The following CADM2 variants were observed in gnomAD, a reference collection of about 807,000 sequenced individuals.
The protein encoded by CADM2 is cell adhesion molecule 2.
A neutral mutation model predicts 49.8 loss-of-function variants in CADM2; 12 were observed. The ratio of observed to expected loss-of-function variants is 0.24; its 90% CI spans 0.15 to 0.39. The LOEUF is 0.39. CADM2 is among the 10% of genes least tolerant of loss of function. The probability of loss-of-function intolerance (pLI) is 1.00; values close to 1 mark genes in which losing one functional copy is unlikely to be tolerated. For synonymous variants in CADM2, 214 were observed against 175.4 expected, an observed-to-expected ratio of 1.22 and a Z score of -1.74; for missense variants, 378 against 492.3, an observed-to-expected ratio of 0.77 and a Z score of 2.20.
At chr3:85,741,400 T>C (rs1054557113) in intron 2 of CADM2, among the ~76,000 whole-genome samples, 4 of 152,004 alleles carry the variant, frequency 2.6e-5, no homozygotes, top group Non-Finnish European at 5.9e-5. Flanking sequence ...CCTGGCGTGG[T>C]GGCTCACGTC....
intron 3 of CADM2, among the ~76,000 whole-genome samples, chr3:85,826,350 G>A (rs1336994002): frequency 1.3e-5 from 2 of 151,926 alleles, no homozygotes; most frequent in African/African-American, 4.8e-5. Flanking sequence ...TCATTACTTT[G>A]CACTCAACTT....
At chr3:85,169,407 C>G (rs1046834612) in intron 1 of CADM2, among the ~76,000 whole-genome samples, 1 of 152,118 alleles carries the variant, frequency 6.6e-6, no homozygotes, top group African/African-American at 2.4e-5. Context: ...TCAGTTTAAT[C>G]CTTCTAGTAA....
At chr3:84,971,387 G>C (rs1187195986) in intron 1 of CADM2, among the ~76,000 whole-genome samples, 1 of 152,048 alleles carries the variant, frequency 6.6e-6, no homozygotes, top group Non-Finnish European at 1.5e-5. Context: ...TAAAAATCAA[G>C]TAAAATTTAT....
intron 1 of CADM2, among the ~76,000 whole-genome samples, chr3:85,144,793 A>T (rs1443592061): frequency 6.6e-6 from 1 of 152,190 alleles, no homozygotes; most frequent in Non-Finnish European, 1.5e-5. Context: ...TGAAAGATCA[A>T]TTTCAGACAT....
chr3:85,603,233 A>AAC (rs1455911420), intron 1 of CADM2, among the ~76,000 whole-genome samples: 1 of 151,928 alleles, frequency 6.6e-6, no homozygotes. Context: ...ACTTTGACTG[A>AAC]ACCATGTTGA....
intron 1 of CADM2, among the ~76,000 whole-genome samples, chr3:85,544,070 T>G (rs992261652): frequency 6.6e-6 from 1 of 152,096 alleles, no homozygotes; most frequent in Admixed American, 6.6e-5. Context: ...GAGAAAAAAT[T>G]AAATGATTAA....
chr3:85,575,105 T>C (rs554402750), intron 1 of CADM2, among the ~76,000 whole-genome samples: 12 of 152,296 alleles, frequency 7.9e-5, no homozygotes, highest in African/African-American at 2.4e-4. Flanking sequence ...AGATGGTGAC[T>C]AGTAGAGAGA....
chr3:86,000,765 T>C (rs1051884624), intron 8 of CADM2, among the ~76,000 whole-genome samples: 1 of 151,966 alleles, frequency 6.6e-6, no homozygotes, highest in Non-Finnish European at 1.5e-5. Flanking sequence ...AAAAATGATA[T>C]GAAAATATGT....
chr3:85,766,167 C>T (rs751287855), intron 2 of CADM2, among the ~76,000 whole-genome samples: 9 of 152,034 alleles, frequency 5.9e-5, no homozygotes, highest in African/African-American at 2.2e-4. Context: ...TTAATTGTGT[C>T]TATTTTACTT....
At position 86,014,328 on chromosome 3, in the gene CADM2, G is replaced by GA. The variant is rs1201675994; in HGVS notation, c.971-51273dup. On this transcript the variant is annotated intron_variant, in intron 8 of 9. Coordinates refer to ENST00000383699, the MANE Select transcript of CADM2 (RefSeq NM_001167675.2). The stretch of plus-strand genomic sequence containing the variant: ...CCTATCTTTTACAAGAGCCTTTGGG[G>GA]AAAATCTCCAGGGGCAAACCTCTGA... 4 of 1,379,058 alleles carry GA rather than the reference G, an allele frequency of 2.9e-6. No homozygotes were observed. In the African/African-American group the frequency reaches 4.4e-5, roughly 15 times the overall value. 85.4% of individuals were successfully genotyped at this position (1,379,058 alleles called of 1,614,324 possible).
intron 1 of CADM2, among the ~76,000 whole-genome samples, chr3:85,602,143 G>A (rs1034579305): frequency 1.3e-5 from 2 of 151,670 alleles, no homozygotes; most frequent in African/African-American, 4.8e-5. Context: ...ATGCTACAAA[G>A]GTAAATTTGT....
intron 7 of CADM2, among the ~76,000 whole-genome samples, chr3:85,952,301 T>G (rs1228410074): frequency 1.3e-5 from 2 of 150,946 alleles, no homozygotes; most frequent in African/African-American, 4.8e-5. Context: ...TTAGAATTCT[T>G]AGACTGTATT....
chr3:85,982,448 GT>G (rs960998816), intron 8 of CADM2, among the ~76,000 whole-genome samples: 8 of 151,314 alleles, frequency 5.3e-5, no homozygotes, highest in Non-Finnish European at 1.0e-4. Flanking sequence ...TTTTTAAAAA[GT>G]TTTTTTGTAA....
chr3:85,133,860 G>A (rs1333430104), intron 1 of CADM2, among the ~76,000 whole-genome samples: 2 of 152,344 alleles, frequency 1.3e-5, no homozygotes, highest in East Asian at 1.9e-4. Flanking sequence ...CCGTGCGCCC[G>A]CGCTCCTCAG....
At chr3:85,784,965 T>G (rs1296353006) in intron 2 of CADM2, among the ~76,000 whole-genome samples, 2 of 152,140 alleles carry the variant, frequency 1.3e-5, no homozygotes, top group African/African-American at 4.8e-5. Flanking sequence ...CTTGTTACTT[T>G]TTATTAATCT....
chr3:85,288,588 G>A (rs2043693616), intron 1 of CADM2, among the ~76,000 whole-genome samples: 1 of 151,780 alleles, frequency 6.6e-6, no homozygotes, highest in Non-Finnish European at 1.5e-5. Flanking sequence ...ATATTCAATT[G>A]CAGGCATATT....
intron 1 of CADM2, among the ~76,000 whole-genome samples, chr3:85,591,080 C>T (rs1441331748): frequency 1.3e-5 from 2 of 151,962 alleles, no homozygotes; most frequent in Non-Finnish European, 2.9e-5. Context: ...AGTAATATTT[C>T]AGTGTAAGTG....
chr3:85,433,075 G>T (rs1310358106), intron 1 of CADM2, among the ~76,000 whole-genome samples: 1 of 151,846 alleles, frequency 6.6e-6, no homozygotes, highest in Non-Finnish European at 1.5e-5. Context: ...ATTTATACAT[G>T]TATTTAGGAT....
At chr3:85,848,864 C>G (rs1224780500) in intron 3 of CADM2, among the ~76,000 whole-genome samples, 1 of 152,044 alleles carries the variant, frequency 6.6e-6, no homozygotes, top group Non-Finnish European at 1.5e-5. Flanking sequence ...CACAAACAAA[C>G]TAGAAACAGA....
Sources: gnomAD v4.1 joint callset for allele counts (sites outside exome capture counted in the v4.1 genomes callset) on GRCh38, gnomAD v4.1.1 for gene constraint, MANE v1.5 for transcripts, NCBI Gene and HGNC (gene_info 2026-07-23, HGNC 2026-07-21) for gene names.